FGF14: variants seen among roughly 807,000 people sequenced by gnomAD.
FGF14 encodes fibroblast growth factor homologous factor 4.
Under a neutral mutation model 25.5 loss-of-function variants are expected in FGF14, and 5 were observed. The observed-to-expected ratio is 0.20, with a 90% CI of 0.10 to 0.41. The LOEUF (loss-of-function observed/expected upper bound fraction) is 0.41, where lower values mean the gene tolerates loss of function less well. FGF14 is among the 10% of genes least tolerant of loss of function. The probability of loss-of-function intolerance (pLI) is 1.00; values close to 1 mark genes in which losing one functional copy is unlikely to be tolerated. For synonymous variants in FGF14, 138 were observed against 118.3 expected (o/e 1.17, Z -1.08); for missense variants, 222 against 320.1 (o/e 0.69, Z 2.34).
At chr13:102,131,250 T>A (rs1409649700) in intron 1 of FGF14, among the ~76,000 whole-genome samples, 1 of 152,198 alleles carries the variant, frequency 6.6e-6, no homozygotes, top group Non-Finnish European at 1.5e-5. Flanking sequence ...TTGTGAAATA[T>A]CTCCTGTGCC....
intron 1 of FGF14, among the ~76,000 whole-genome samples, chr13:102,364,449 CTGAG>C (rs2057653115): frequency 6.6e-6 from 1 of 152,208 alleles, no homozygotes; most frequent in South Asian, 2.1e-4. Flanking sequence ...CTTCTACAGA[CTGAG>C]TTTGTTCAGG....
At chr13:102,118,454 C>A (rs1167580665) in intron 1 of FGF14, among the ~76,000 whole-genome samples, 1 of 152,028 alleles carries the variant, frequency 6.6e-6, no homozygotes, top group Non-Finnish European at 1.5e-5. Flanking sequence ...ATATTGGTTA[C>A]TACAGACTAT....
intron 3 of FGF14, among the ~76,000 whole-genome samples, chr13:101,732,377 TAAA>T (rs2035866831): frequency 6.6e-6 from 1 of 152,060 alleles, no homozygotes; most frequent in South Asian, 2.1e-4. Context: ...CAAAATAACT[TAAA>T]AAGAGGAAAT....
chr13:102,079,273 T>C (rs549703872), intron 1 of FGF14, among the ~76,000 whole-genome samples: 9 of 152,292 alleles, frequency 5.9e-5, no homozygotes, highest in African/African-American at 2.2e-4. Context: ...CAAAAATCCA[T>C]GTTTAAAATG....
At chr13:102,213,673 A>G (rs1467186357) in intron 1 of FGF14, among the ~76,000 whole-genome samples, 1 of 152,204 alleles carries the variant, frequency 6.6e-6, no homozygotes, top group Non-Finnish European at 1.5e-5. Context: ...GAGGAGAAAT[A>G]GACTCAACAA....
At chr13:102,285,310 T>C (rs1411625128) in intron 1 of FGF14, among the ~76,000 whole-genome samples, 1 of 152,214 alleles carries the variant, frequency 6.6e-6, no homozygotes, top group Non-Finnish European at 1.5e-5. Context: ...TGTGATGTTA[T>C]ATAAATGTAT....
intron 1 of FGF14, among the ~76,000 whole-genome samples, chr13:101,889,505 T>C (rs1355386052): frequency 6.6e-6 from 1 of 152,158 alleles, no homozygotes; most frequent in Non-Finnish European, 1.5e-5. Flanking sequence ...ATTTTACTCA[T>C]GTGAAATATA....
intron 1 of FGF14, among the ~76,000 whole-genome samples, chr13:102,154,563 T>G (rs998612175): frequency 6.6e-6 from 1 of 152,122 alleles, no homozygotes; most frequent in African/African-American, 2.4e-5. Context: ...TGCAAAAACA[T>G]GCCAAATTGT....
intron 1 of FGF14, among the ~76,000 whole-genome samples, chr13:102,245,482 T>C (rs2051820004): frequency 6.6e-6 from 1 of 151,960 alleles, no homozygotes; most frequent in Non-Finnish European, 1.5e-5. Context: ...ATAGGAGAGA[T>C]TCAATAGAAA....
Position 102,016,617 on chromosome 13 carries a change from C to A in FGF14, c.209-141321G>T, listed in dbSNP as rs145582145. Among the ~76,000 whole-genome samples, 1,266 of 152,178 alleles carry A rather than the reference C, an allele frequency of 8.3e-3. 7 individuals are homozygous for A. Among genetic ancestry groups the A allele is most frequent in the Non-Finnish European group, 0.014 (946 of 68,000 alleles). On this transcript the variant is annotated intron_variant, in intron 1 of 4. Coordinates refer to the FGF14 transcript ENST00000376131. ...TAAAGATTCAAGATTCACATCATGA[C>A]AAATGATACAAATTTATGAAATATC...
chr13:102,171,076 A>G (rs2048225582), intron 1 of FGF14, among the ~76,000 whole-genome samples: 1 of 152,026 alleles, frequency 6.6e-6, no homozygotes, highest in Non-Finnish European at 1.5e-5. Flanking sequence ...ATCAATTTAA[A>G]CCGTCCTGTA....
chr13:102,104,105 G>A (rs140489929), intron 1 of FGF14, among the ~76,000 whole-genome samples: 10 of 152,270 alleles, frequency 6.6e-5, no homozygotes, highest in Non-Finnish European at 1.3e-4. Flanking sequence ...CAGTAACCCC[G>A]AGGACTAAGG....
chr13:102,351,067 C>A (rs1953257897), intron 1 of FGF14, among the ~76,000 whole-genome samples: 1 of 152,180 alleles, frequency 6.6e-6, no homozygotes, highest in Non-Finnish European at 1.5e-5. Flanking sequence ...GCCTCCTCTC[C>A]TTTCTCAGGC....
chr13:102,241,893 T>G (rs1333253205), intron 1 of FGF14, among the ~76,000 whole-genome samples: 2 of 152,136 alleles, frequency 1.3e-5, no homozygotes, highest in East Asian at 3.8e-4. Context: ...AAGTTCTGCT[T>G]GCTTTGTATT....
chr13:102,020,005 CATTGT>C (rs543371923), intron 1 of FGF14, among the ~76,000 whole-genome samples: 2 of 152,104 alleles, frequency 1.3e-5, no homozygotes, highest in South Asian at 4.1e-4. Context: ...TGAAAGACTG[CATTGT>C]GTAACATATT....
chr13:102,193,245 G>A (rs2049200246), intron 1 of FGF14, among the ~76,000 whole-genome samples: 1 of 152,090 alleles, frequency 6.6e-6, no homozygotes, highest in Non-Finnish European at 1.5e-5. Context: ...CCTTCTCTCT[G>A]TGCTCTGCCA....
intron 1 of FGF14, among the ~76,000 whole-genome samples, chr13:102,341,537 C>G (rs569811852): frequency 6.6e-6 from 1 of 152,250 alleles, no homozygotes; most frequent in Admixed American, 6.5e-5. Flanking sequence ...TTCTTTTCCC[C>G]TTCCCCAACC....
At chr13:102,092,482 T>C (rs1397869479) in intron 1 of FGF14, among the ~76,000 whole-genome samples, 2 of 152,152 alleles carry the variant, frequency 1.3e-5, no homozygotes, top group Non-Finnish European at 2.9e-5. Flanking sequence ...TAGTTGAGGA[T>C]AAGTCATCCC....
chr13:101,992,365 T>C (rs1408993967), intron 1 of FGF14, among the ~76,000 whole-genome samples: 9 of 152,096 alleles, frequency 5.9e-5, no homozygotes, highest in Non-Finnish European at 1.3e-4. Flanking sequence ...TAAAGGGCCA[T>C]TGACTCCAGT....
Sources: gnomAD v4.1 joint callset for allele counts (sites outside exome capture counted in the v4.1 genomes callset) on GRCh38, gnomAD v4.1.1 for gene constraint, MANE v1.5 for transcripts, NCBI Gene and HGNC (gene_info 2026-07-23, HGNC 2026-07-21) for gene names.